The following TENM3 variants were observed in gnomAD, a reference collection of about 807,000 sequenced individuals.
TENM3 encodes teneurin transmembrane protein 3.
A neutral mutation model predicts 255.1 loss-of-function variants in TENM3; 63 were observed. The observed-to-expected ratio is 0.25, with a 90% confidence interval of 0.20 to 0.30. The LOEUF (loss-of-function observed/expected upper bound fraction) is 0.30. Ranked by LOEUF, TENM3 falls within the 10% of genes least tolerant of loss-of-function variation. The probability of loss-of-function intolerance (pLI) is 1.00; values close to 1 mark genes in which losing one functional copy is unlikely to be tolerated. For missense variants in TENM3, 2,929 were observed against 3,461.1 expected, an observed-to-expected ratio of 0.85 and a Z score of 3.86; for synonymous variants, 1,306 against 1,322.3, an observed-to-expected ratio of 0.99 and a Z score of 0.27.
chr4:181,599,724 G>A, the TENM3 span, among the ~76,000 whole-genome samples: 2 of 152,140 alleles, frequency 1.3e-5, no homozygotes, highest in Admixed American at 1.3e-4. Context: ...ATTGGAAAAG[G>A]TAATTGCTAA....
chr4:182,039,309 C>G, the TENM3 span, among the ~76,000 whole-genome samples: 1 of 152,160 alleles, frequency 6.6e-6, no homozygotes, highest in East Asian at 1.9e-4. Context: ...AATCACCTTT[C>G]CCTGCTCAGG....
chr4:181,870,728 T>C, the TENM3 span, among the ~76,000 whole-genome samples: 1 of 152,170 alleles, frequency 6.6e-6, no homozygotes, highest in Non-Finnish European at 1.5e-5. Context: ...AGATTTTATG[T>C]ACTATGAATA....
the TENM3 span, among the ~76,000 whole-genome samples, chr4:181,545,841 G>A: frequency 6.6e-6 from 1 of 150,992 alleles, no homozygotes; most frequent in Non-Finnish European, 1.5e-5. Context: ...GACATACTTT[G>A]ATTTGAAGAA....
At chr4:182,165,375 C>T (rs1290012634) in intron 1 of TENM3, among the ~76,000 whole-genome samples, 1 of 152,144 alleles carries the variant, frequency 6.6e-6, no homozygotes, top group Non-Finnish European at 1.5e-5. Flanking sequence ...TTATTTGACC[C>T]ATGTTCACTT....
chr4:182,100,634 T>TAC, the TENM3 span, among the ~76,000 whole-genome samples: 2,316 of 52,284 alleles, frequency 0.044, 139 homozygotes, highest in African/African-American at 0.057. Context: ...CACACATATA[T>TAC]ACACATATAT....
the TENM3 span, among the ~76,000 whole-genome samples, chr4:181,645,892 G>A: frequency 1.2e-4 from 19 of 152,224 alleles, no homozygotes; most frequent in South Asian, 1.2e-3. Flanking sequence ...CTTGCACATC[G>A]TTTTTTGTCT....
intron 3 of TENM3, among the ~76,000 whole-genome samples, chr4:182,352,112 C>T (rs906515342): frequency 1.3e-5 from 2 of 151,862 alleles, no homozygotes; most frequent in African/African-American, 4.8e-5. Context: ...CCCACTCCTC[C>T]TTCCTTACCC....
At chr4:181,752,629 T>A in the TENM3 span, among the ~76,000 whole-genome samples, 203 of 152,304 alleles carry the variant, frequency 1.3e-3, 3 homozygotes, top group South Asian at 0.041. Context: ...CACACTCCAA[T>A]GGTATCATTT....
intron 3 of TENM3, among the ~76,000 whole-genome samples, chr4:182,408,212 T>C (rs893886631): frequency 3.3e-5 from 5 of 152,200 alleles, no homozygotes; most frequent in Admixed American, 2.0e-4. Context: ...ATTGCAAGAA[T>C]AGACATAAAT....
chr4:182,114,979 C>G, the TENM3 span, among the ~76,000 whole-genome samples: 2 of 151,922 alleles, frequency 1.3e-5, no homozygotes, highest in Non-Finnish European at 2.9e-5. Context: ...GTCAGGAGTT[C>G]GAGATCAGCC....
At chr4:182,593,768 C>T (rs1746904836) in intron 3 of TENM3, among the ~76,000 whole-genome samples, 1 of 152,174 alleles carries the variant, frequency 6.6e-6, no homozygotes. Context: ...ATGAACCGAG[C>T]ACACACATAC....
the TENM3 span, among the ~76,000 whole-genome samples, chr4:181,917,374 G>A: frequency 2.0e-5 from 3 of 152,268 alleles, no homozygotes; most frequent in East Asian, 5.8e-4. Context: ...AATTTTAAAA[G>A]CATCTCTCTT....
At chr4:182,617,358 C>G (rs892760035) in intron 4 of TENM3, among the ~76,000 whole-genome samples, 1 of 152,176 alleles carries the variant, frequency 6.6e-6, no homozygotes, top group Non-Finnish European at 1.5e-5. Flanking sequence ...CGTCCATTGT[C>G]TTGATATCAT....
At chr4:181,846,707 T>C in the TENM3 span, among the ~76,000 whole-genome samples, 1 of 152,160 alleles carries the variant, frequency 6.6e-6, no homozygotes, top group South Asian at 2.1e-4. Context: ...AACAAATATT[T>C]ATTAATTGAC....
At chr4:182,142,662 C>T (rs1333005786), upstream of TENM3, 3 of 167,268 alleles carry the variant, frequency 1.8e-5, no homozygotes, top group Non-Finnish European at 4.4e-5. Context: ...TGAGAGCGCA[C>T]CAGTCTCCGC....
At chr4:182,128,939 T>C in the TENM3 span, among the ~76,000 whole-genome samples, 1 of 49,460 alleles carries the variant, frequency 2.0e-5, no homozygotes, top group Non-Finnish European at 3.7e-5. Flanking sequence ...TTCTCTCATA[T>C]TTTTCATACT....
At chr4:181,874,733 G>T in the TENM3 span, among the ~76,000 whole-genome samples, 2 of 152,074 alleles carry the variant, frequency 1.3e-5, no homozygotes, top group African/African-American at 4.8e-5. Flanking sequence ...CCTCCTTTCT[G>T]GTGCCCTACC....
the TENM3 span, among the ~76,000 whole-genome samples, chr4:181,565,116 T>C: frequency 6.6e-6 from 1 of 152,254 alleles, no homozygotes; most frequent in African/African-American, 2.4e-5. Context: ...GTTTAAACTG[T>C]TCTCAACTGC....
chr4:181,991,619 G>A, the TENM3 span, among the ~76,000 whole-genome samples: 2 of 152,268 alleles, frequency 1.3e-5, no homozygotes, highest in African/African-American at 4.8e-5. Context: ...TTGTGGACCA[G>A]TGTCAGCCTC....
Sources: allele counts gnomAD v4.1 joint callset (sites outside exome capture counted in the v4.1 genomes callset), GRCh38; gene constraint gnomAD v4.1.1; transcripts MANE v1.5; gene names NCBI Gene and HGNC (gene_info 2026-07-23, HGNC 2026-07-21).